Variants in ITFG1 observed in about 807,000 individuals in gnomAD.
ITFG1 encodes the protein T-cell immunomodulatory protein.
In ITFG1, 34 loss-of-function variants were observed where a neutral mutation model predicts 81.8. The observed-to-expected ratio is 0.42, with a 90% CI of 0.32 to 0.55. The LOEUF (loss-of-function observed/expected upper bound fraction) is 0.55. ITFG1 is among the 20% of genes least tolerant of loss of function. ITFG1 has a pLI of 0.17. For missense variants in ITFG1, 672 were observed against 755.4 expected (o/e 0.89, Z 1.29); for synonymous variants, 285 against 270.6 (o/e 1.05, Z -0.52).
At chr16:47,284,892 T>C (rs1409307762) in intron 10 of ITFG1, among the ~76,000 whole-genome samples, 2 of 152,230 alleles carry the variant, frequency 1.3e-5, no homozygotes, top group African/African-American at 4.8e-5. Context: ...TTAGAATTTA[T>C]GGTGTAATAT....
chr16:47,253,452 T>C (rs921583213), intron 12 of ITFG1, among the ~76,000 whole-genome samples: 8 of 152,202 alleles, frequency 5.3e-5, no homozygotes, highest in Admixed American at 2.0e-4. Context: ...TATTTAATGA[T>C]GTAAAGGCTA....
chr16:47,229,785 G>C (rs1378329299), intron 13 of ITFG1, among the ~76,000 whole-genome samples: 1 of 152,090 alleles, frequency 6.6e-6, no homozygotes, highest in Non-Finnish European at 1.5e-5. Flanking sequence ...TTCCTTGTAA[G>C]GGACTTAGAT....
chr16:47,406,846 A>G (rs1449749007), intron 6 of ITFG1, among the ~76,000 whole-genome samples: 1 of 152,224 alleles, frequency 6.6e-6, no homozygotes, highest in Non-Finnish European at 1.5e-5. Context: ...AAGGTAAAGT[A>G]TATTTTGAGA....
chr16:47,253,311 T>C (rs1025566990), intron 12 of ITFG1, among the ~76,000 whole-genome samples: 2 of 152,346 alleles, frequency 1.3e-5, no homozygotes, highest in East Asian at 3.9e-4. Context: ...CACACATTTC[T>C]CACAATTTGA....
intron 16 of ITFG1, among the ~76,000 whole-genome samples, chr16:47,160,187 T>TAAAAA: frequency 8.7e-6 from 1 of 115,552 alleles, no homozygotes; most frequent in Non-Finnish European, 1.8e-5. Flanking sequence ...AGTGTTTTGG[T>TAAAAA]AAAAAAAAAA....
Position 47,223,384 on chromosome 16 carries a change from T to G in ITFG1, c.1375-4438A>C, listed in dbSNP as rs574314563. 3.2e-3 allele frequency among the ~76,000 whole-genome samples: 482 copies of G among 152,078 alleles called. 3 individuals carry two copies. Among genetic ancestry groups the G allele is most frequent in the African/African-American group, 0.011 (453 of 41,468 alleles). ...AATCTACAATGAACTCAAACAAATT[T>G]ACAAGAAAAAAACAAACAACCCCAT... On this transcript the variant is annotated intron_variant, in intron 13 of 17. Coordinates refer to ENST00000320640, the MANE Select transcript of ITFG1 (RefSeq NM_030790.5).
At chr16:47,191,887 C>G (rs1013008875) in intron 14 of ITFG1, among the ~76,000 whole-genome samples, 3 of 152,192 alleles carry the variant, frequency 2.0e-5, no homozygotes, top group African/African-American at 7.2e-5. Flanking sequence ...TCTTGGCTCA[C>G]TACAGCCTCG....
chr16:47,358,833 G>A (rs1054843887), intron 8 of ITFG1, among the ~76,000 whole-genome samples: 2 of 152,126 alleles, frequency 1.3e-5, no homozygotes, highest in Non-Finnish European at 2.9e-5. Context: ...AGGCTTGAGA[G>A]ATATAATGGT....
At chr16:47,198,411 G>A (rs1162318358) in intron 14 of ITFG1, among the ~76,000 whole-genome samples, 7 of 152,188 alleles carry the variant, frequency 4.6e-5, no homozygotes, top group Non-Finnish European at 1.0e-4. Flanking sequence ...TTGTGGTGAT[G>A]CAGGGGTAAA....
intron 8 of ITFG1, among the ~76,000 whole-genome samples, chr16:47,325,912 C>T (rs139858338): frequency 7.4e-4 from 113 of 152,216 alleles, no homozygotes; most frequent in African/African-American, 2.7e-3. Flanking sequence ...GGAGCTGGTA[C>T]CACTCCTTAT....
chr16:47,286,617 GC>G (rs1966870624), intron 10 of ITFG1, among the ~76,000 whole-genome samples: 1 of 151,518 alleles, frequency 6.6e-6, no homozygotes, highest in Admixed American at 6.6e-5. Context: ...TCCAGCCTGG[GC>G]GACAAGAGTG....
At position 47,291,604 on chromosome 16, in the gene ITFG1, C is replaced by T. The variant is rs377565722; in HGVS notation, c.1070+19636G>A. Among the ~76,000 whole-genome samples the T allele has an allele frequency of 3.3e-5, 5 of 152,256 alleles. No individual in the cohort carries two copies. The East Asian group carries it at 7.7e-4, about 24-fold the overall frequency. ...ACTATTTGTGTGCCTATTGATGTAA[C>T]TTAAGTTTTGTAGGATTTCTCTCAC... On this transcript the variant is annotated intron_variant, in intron 10 of 17. Transcript: ENST00000320640.
chr16:47,445,064 T>C (rs1596989494), intron 5 of ITFG1, among the ~76,000 whole-genome samples: 4 of 149,838 alleles, frequency 2.7e-5, no homozygotes, highest in Non-Finnish European at 5.9e-5. Context: ...ACATGGACCA[T>C]GATGTCTGCT....
chr16:47,340,206 A>G (rs1967762886), intron 8 of ITFG1, among the ~76,000 whole-genome samples: 1 of 152,168 alleles, frequency 6.6e-6, no homozygotes, highest in South Asian at 2.1e-4. Flanking sequence ...GAGAAATGCT[A>G]AAAAGCCATA....
chr16:47,385,085 T>C (rs568176404), intron 6 of ITFG1, among the ~76,000 whole-genome samples: 1 of 152,244 alleles, frequency 6.6e-6, no homozygotes, highest in Non-Finnish European at 1.5e-5. Context: ...ACATTTGCAC[T>C]GGTCAGAAAC....
chr16:47,303,121 A>T (rs149431170), intron 10 of ITFG1, among the ~76,000 whole-genome samples: 1 of 152,042 alleles, frequency 6.6e-6, no homozygotes, highest in Non-Finnish European at 1.5e-5. Flanking sequence ...AATACAAAAA[A>T]TTAGCCAGGA....
intron 16 of ITFG1, 86 bp from the exon 17 acceptor site, chr16:47,159,076 TATTA>T (rs1412232419): frequency 3.6e-5 from 21 of 575,666 alleles, no homozygotes; most frequent in Middle Eastern, 4.5e-4. Context: ...CAAAATAGCT[TATTA>T]ATTAAACAGT....
At position 47,155,100 on chromosome 16, in the gene ITFG1, C is replaced by T. The variant is rs1964683203; in HGVS notation, c.*619G>A. On this transcript the variant is annotated 3_prime_UTR_variant, in exon 18 of 18. Coordinates refer to ENST00000320640, the MANE Select transcript of ITFG1 (RefSeq NM_030790.5). ...ATGTTTACAGTAACTCAAGTATTAG[C>T]CCCACTGAATAAACAAGAAAACTGA... 6.6e-6 allele frequency: 1 copy of T among 152,192 alleles called. No individual in the cohort carries two copies. Among genetic ancestry groups the T allele is most frequent in the Admixed American group, 6.5e-5 (1 of 15,268 alleles). The allele number at this position is 152,192 out of a possible 1,614,324, so 9.4% of individuals were successfully genotyped here. A position where few individuals can be genotyped will look rare whatever the true frequency, so the allele number is the denominator to read the frequency against.
intron 8 of ITFG1, among the ~76,000 whole-genome samples, chr16:47,352,825 C>T (rs368720256): frequency 2.4e-4 from 37 of 152,094 alleles, no homozygotes; most frequent in African/African-American, 6.8e-4. Context: ...CCAACAATGA[C>T]AGACTGGATT....
Sources: allele counts gnomAD v4.1 joint callset (sites outside exome capture counted in the v4.1 genomes callset), GRCh38; gene constraint gnomAD v4.1.1; transcripts MANE v1.5; gene names NCBI Gene and HGNC (gene_info 2026-07-23, HGNC 2026-07-21).